DGCR8: variants seen among roughly 807,000 people sequenced by gnomAD.
DGCR8 encodes the protein microprocessor complex subunit DGCR8.
In DGCR8, 14 loss-of-function variants were observed where a neutral mutation model predicts 78.5. The observed-to-expected ratio is 0.18, with a 90% CI of 0.12 to 0.28. DGCR8 has a LOEUF of 0.28. DGCR8 is among the 10% of genes least tolerant of loss of function. The probability of loss-of-function intolerance (pLI) is 1.00; values close to 1 mark genes in which losing one functional copy is unlikely to be tolerated. For synonymous variants in DGCR8, 399 were observed against 402.4 expected (o/e 0.99, Z 0.10); for missense variants, 702 against 1,022.5 (o/e 0.69, Z 4.28).
intron 9 of DGCR8, among the ~76,000 whole-genome samples, chr22:20,104,146 C>T (rs2049741135): frequency 6.6e-6 from 1 of 150,672 alleles, no homozygotes; most frequent in Non-Finnish European, 1.5e-5. Flanking sequence ...GCAGGGCATC[C>T]TGGTGTCGGT....
chr22:20,108,763 G>A, intron 12 of DGCR8, 127 bp from the exon 13 acceptor site: 1 of 692,290 alleles, frequency 1.4e-6, no homozygotes, highest in Non-Finnish European at 2.7e-6. Flanking sequence ...ACAGCTCCTG[G>A]CTGTTTCGTG....
chr22:20,087,213 C>T lies in DGCR8; in HGVS notation c.772C>T (p.Pro258Ser), dbSNP rs748543931. Residue 258 changes from proline to serine, a missense_variant, in exon 3 of 14, where the codon CCC becomes TCC. Physicochemically the swap from Pro to Ser is moderately conservative, Grantham distance 74 (BLOSUM62 -1). Around this residue, in one of 4 missense-constraint regions of DGCR8, gnomAD observed 356 missense variants for 448.9 expected, o/e 0.79. Coordinates refer to ENST00000351989, the MANE Select transcript of DGCR8 (RefSeq NM_022720.7). The surrounding 1 kb of genome is among the most constrained non-coding windows in gnomAD (Gnocchi z 4.1). ...DALLEEGLCA[P>S]KKRRTEEKYG... ...TCTGCTGGAAGAAGGCCTTTGTGCC[C>T]CCAAAAAGAGGCGAACAGAGGAAAA... The T allele has an allele frequency of 6.2e-7, 1 of 1,613,872 alleles. No homozygotes were observed. Among genetic ancestry groups the T allele is most frequent in the Non-Finnish European group, 8.5e-7 (1 of 1,179,846 alleles).
At chr22:20,092,695 A>G (rs566696913) in intron 7 of DGCR8, 114 bp from the exon 8 acceptor site, 4 of 848,688 alleles carry the variant, frequency 4.7e-6, no homozygotes, top group East Asian at 2.6e-5. Flanking sequence ...GCACAGGCCC[A>G]CTCTCTGCAG....
chr22:20,090,119 G>C lies in DGCR8; in HGVS notation c.1167G>C (p.Glu389Asp), dbSNP rs759958934. 6.8e-6 allele frequency: 11 copies of C among 1,614,236 alleles called. No homozygotes were observed. Among genetic ancestry groups the C allele is most frequent in the East Asian group, 2.2e-5 (1 of 44,888 alleles). The change falls in exon 5 of 14, where the codon GAG becomes GAC. Residue 389 changes from glutamate to aspartate, a missense_variant. Transcript: ENST00000351989. ...CCCTGAGCCGATCTGCAGAGCTGGA[G>C]TTTCCCCTGGATGAGCCTGACTCTA... Reference protein sequence around the residue: ...VKPLSRSAELEFPLDEPDSMG... With the variant: ...VKPLSRSAELDFPLDEPDSMG...
At chr22:20,081,182 G>C (rs1444559899) in intron 1 of DGCR8, among the ~76,000 whole-genome samples, 1 of 152,252 alleles carries the variant, frequency 6.6e-6, no homozygotes, top group African/African-American at 2.4e-5. Flanking sequence ...CAAAAGGAAC[G>C]GATGAGGTCA....
intron 1 of DGCR8, among the ~76,000 whole-genome samples, chr22:20,082,457 T>C (rs1262744540): frequency 1.3e-5 from 2 of 151,912 alleles, no homozygotes; most frequent in Non-Finnish European, 2.9e-5. Context: ...AAGCTTCGCC[T>C]CCTGGGTTCA....
In DGCR8 at chr22:20,086,018, G is replaced by C; in HGVS notation, c.55G>C (p.Val19Leu). ...CCCGTGTGGGCCCGCAGGAGAAGCG[G>C]TGATGGAGAGCCGAGCTCGCCCCTT... ...PLPCGPAGEA[V>L]MESRARPFQA... is the part of the protein sequence containing the mutation. The change falls in exon 2 of 14, where the codon GTG (valine) becomes CTG (leucine). Residue 19 changes from valine (V) to leucine (L), a missense_variant. Physicochemically the swap from Val to Leu is conservative, Grantham distance 32 (BLOSUM62 1). Coordinates refer to ENST00000351989, the MANE Select transcript of DGCR8 (RefSeq NM_022720.7). This position sits in a 1 kb window ranked among gnomAD's most constrained non-coding sequence, Gnocchi z 6.4. The C allele has an allele frequency of 6.2e-7, 1 of 1,613,088 alleles. No individual in the cohort carries two copies. The highest frequency in any genetic ancestry group is 8.5e-7 in the Non-Finnish European group (1 of 1,179,636).
rs916157797 is a variant in DGCR8 at position 20,102,047 on chromosome 22, T to C, written c.1789-4130T>C. 1.2e-5 allele frequency: 12 copies of C among 985,258 alleles called. No homozygotes were observed. The African/African-American group carries it at 2.1e-4, about 17-fold the overall frequency. 61.0% of individuals were successfully genotyped at this position (985,258 alleles called of 1,614,324 possible). The stretch of plus-strand genomic sequence containing the variant: ...TAGCTGTGGGTTGGTGGTTCATGGC[T>C]ATTAAATTTAGGTATTAGTGACCAA... On this transcript the variant is annotated intron_variant, in intron 9 of 13. Transcript: ENST00000351989.
chr22:20,100,805 C>T, intron 9 of DGCR8: 1 of 985,388 alleles, frequency 1.0e-6, no homozygotes, highest in Non-Finnish European at 1.2e-6. Flanking sequence ...TTTCCACACC[C>T]CTACTCCGAT....
intron 9 of DGCR8, chr22:20,101,225 AG>A: frequency 1.6e-5 from 16 of 985,412 alleles, no homozygotes; most frequent in Non-Finnish European, 1.9e-5. Flanking sequence ...GCCTTGGTTT[AG>A]GGTGCCTTTT....
rs1419799555 is a variant in DGCR8, at chr22:20,108,591, C to T, written c.2125-299C>T. On this transcript the variant is annotated intron_variant, in intron 12 of 13. Coordinates refer to ENST00000351989, the MANE Select transcript of DGCR8 (RefSeq NM_022720.7). Reference sequence around the variant, plus strand: ...ACTCCTTGATGAGGACTCTGGGCACCACGAGCACCTCACCTCCCTACTCTG... The same window carrying T: ...ACTCCTTGATGAGGACTCTGGGCACTACGAGCACCTCACCTCCCTACTCTG... The T allele has an allele frequency of 1.3e-5, 4 of 308,836 alleles. No homozygotes were observed. The East Asian group carries it at 2.4e-4, about 18-fold the overall frequency. 19.1% of individuals were successfully genotyped at this position (308,836 alleles called of 1,614,324 possible). A position where few individuals can be genotyped will look rare whatever the true frequency, so the allele number is the denominator to read the frequency against.
chr22:20,098,414 T>G (rs1326420744), intron 9 of DGCR8, among the ~76,000 whole-genome samples: 1 of 152,230 alleles, frequency 6.6e-6, no homozygotes, highest in Admixed American at 6.5e-5. Flanking sequence ...TTTCCCTTCA[T>G]GTATGGGCTG....
At chr22:20,102,314 G>GAGTCACC (rs2049712652) in intron 9 of DGCR8, among the ~76,000 whole-genome samples, 2 of 152,270 alleles carry the variant, frequency 1.3e-5, no homozygotes, top group East Asian at 3.9e-4. Flanking sequence ...CCTCTTAGTG[G>GAGTCACC]AGTCACCTGG....
At chr22:20,093,562 T>C (rs896299169) in intron 8 of DGCR8, among the ~76,000 whole-genome samples, 6 of 152,194 alleles carry the variant, frequency 3.9e-5, no homozygotes, top group Admixed American at 3.9e-4. Flanking sequence ...CTGAGCAGCA[T>C]GTGGGCATGC....
rs1311131622 is a variant in DGCR8 at position 20,087,665 on chromosome 22, G to A, written c.880+344G>A. ...GGGTGTGGAGACCAAGGGCAAGGTG[G>A]GTACACAGTGAGATGGCAGGTGATA... is the stretch of plus-strand genomic sequence containing the variant. On this transcript the variant is annotated intron_variant, in intron 3 of 13. Transcript: ENST00000351989. This position sits in a 1 kb window ranked among gnomAD's most constrained non-coding sequence, Gnocchi z 4.1. Among the ~76,000 whole-genome samples, 1 of 152,116 alleles carries A rather than the reference G, an allele frequency of 6.6e-6. No homozygotes were observed. The highest frequency in any genetic ancestry group is 2.4e-5 in the African/African-American group (1 of 41,414).
intron 9 of DGCR8, among the ~76,000 whole-genome samples, chr22:20,095,357 C>T (rs2049616118): frequency 6.6e-6 from 1 of 152,292 alleles, no homozygotes; most frequent in Admixed American, 6.5e-5. Context: ...CCACTCGCTT[C>T]CGCCTCCTAA....
rs2049559213 is a variant in DGCR8, at chr22:20,091,466, G to A, written c.1338G>A (p.Lys446=). Residue 446 remains lysine (K), a synonymous_variant, in exon 6 of 14, where the codon AAG becomes AAA. Transcript: ENST00000351989. ...DLEEFRSYLE[K]RFDFEQVTVK... is the part of the protein sequence containing the mutation. ...AGGAATTTCGAAGCTACCTGGAGAA[G>A]CGTTTTGACTTTGAGCAAGTTACTG... 6.2e-7 allele frequency: 1 copy of A among 1,614,234 alleles called. No homozygotes were observed.
At chr22:20,101,260 C>A (rs2049697406) in intron 9 of DGCR8, 1 of 985,298 alleles carries the variant, frequency 1.0e-6, no homozygotes, top group Non-Finnish European at 1.2e-6. Flanking sequence ...CTGAGAAGCT[C>A]TTTGACCCTC....
At position 20,086,803 on chromosome 22, in the gene DGCR8, C is replaced by T; in HGVS notation, c.720+120C>T. On this transcript the variant is annotated intron_variant, in intron 2 of 13. Transcript: ENST00000351989. The surrounding 1 kb of genome is among the most constrained non-coding windows in gnomAD (Gnocchi z 6.4). ...AAAAAAAAACAAAAACCAAAATCCC[C>T]TCTGAGGTGGAATAATGTTAATGTG... The T allele has an allele frequency of 8.7e-7, 1 of 1,143,128 alleles. No individual in the cohort carries two copies. Among genetic ancestry groups the T allele is most frequent in the Non-Finnish European group, 1.2e-6 (1 of 815,408 alleles). The allele number at this position is 1,143,128 out of a possible 1,614,324, so 70.8% of individuals were successfully genotyped here.
Sources: allele counts gnomAD v4.1 joint callset (sites outside exome capture counted in the v4.1 genomes callset), GRCh38; gene constraint gnomAD v4.1.1; regional missense constraint gnomAD v4.1.1; non-coding constraint Gnocchi (gnomAD v3.1); transcripts MANE v1.5; gene names NCBI Gene and HGNC (gene_info 2026-07-23, HGNC 2026-07-21).